SPRED3: variants seen among roughly 807,000 people sequenced by gnomAD.
SPRED3 encodes sprouty related EVH1 domain containing 3, also known as sprouty-related, EVH1 domain-containing protein 3.
In SPRED3, 23 loss-of-function variants were observed where a neutral mutation model predicts 37.6. That is an observed-to-expected ratio of 0.61 (90% confidence interval 0.44 to 0.87). The LOEUF (loss-of-function observed/expected upper bound fraction) is 0.87. Among genes scored for constraint, SPRED3 ranks in the 40% least tolerant of loss-of-function variants. The pLI is 0.00. For missense variants in SPRED3, 584 were observed against 618.6 expected (o/e 0.94, Z 0.59); for synonymous variants, 302 against 279.6 (o/e 1.08, Z -0.80).
rs1970925045 is a variant in SPRED3 at position 38,398,493 on chromosome 19, C to A, written c.*2348C>A. ...CCTCATGATCCACCTGCCTCAGCCT[C>A]CCAAAGTGCTGGGATTACAGGCATG... On this transcript the variant is annotated 3_prime_UTR_variant, in exon 6 of 6. Coordinates refer to ENST00000691638, the MANE Select transcript of SPRED3 (RefSeq NM_001394336.1). 1 of 152,276 alleles carries A rather than the reference C, an allele frequency of 6.6e-6. No individual in the cohort carries two copies. The highest frequency in any genetic ancestry group is 2.4e-5 in the African/African-American group (1 of 41,460). The allele number at this position is 152,276 out of a possible 1,614,324, so 9.4% of individuals were successfully genotyped here.
chr19:38,395,683 A>G lies in SPRED3; in HGVS notation c.771A>G (p.Ala257=). Residue 257 remains alanine, a synonymous_variant, in exon 6 of 6, where the codon GCA becomes GCG. Coordinates refer to ENST00000691638, the MANE Select transcript of SPRED3 (RefSeq NM_001394336.1). The surrounding 1 kb of genome is among the most constrained non-coding windows in gnomAD (Gnocchi z 5.2). ...GCGCTGCCCTGGGTCCCCCAGCGGC[A>G]CTACCTGCCCCTTTGACCGAGGCTG... is the stretch of plus-strand genomic sequence containing the variant. ...LRGAALGPPA[A]LPAPLTEAAP... is the part of the protein sequence containing the mutation. 6.7e-7 allele frequency: 1 copy of G among 1,492,658 alleles called. No individual in the cohort carries two copies. The highest frequency in any genetic ancestry group is 8.8e-7 in the Non-Finnish European group (1 of 1,132,896). The allele number at this position is 1,492,658 out of a possible 1,614,324, so 92.5% of individuals were successfully genotyped here. A position where few individuals can be genotyped will look rare whatever the true frequency, so the allele number is the denominator to read the frequency against.
At position 38,396,069 on chromosome 19, in the gene SPRED3, T is replaced by G; in HGVS notation, c.1157T>G (p.Leu386Arg). The G allele has an allele frequency of 7.4e-7, 1 of 1,347,290 alleles. No individual in the cohort carries two copies. The highest frequency in any genetic ancestry group is 9.5e-7 in the Non-Finnish European group (1 of 1,054,578). 83.5% of individuals were successfully genotyped at this position (1,347,290 alleles called of 1,614,324 possible). ...CCCTGCCTCTGCTGCTACGCGCCCC[T>G]GCGCGCGTGCCACTGGGTCGCAGCG... ...AVPCLCCYAP[L>R]RACHWVAARC... Residue 386 changes from leucine (L) to arginine (R), a missense_variant, in exon 6 of 6, where the codon CTG becomes CGG. Coordinates refer to ENST00000691638, the MANE Select transcript of SPRED3 (RefSeq NM_001394336.1).
Position 38,395,911 on chromosome 19 carries a change from G to C in SPRED3, c.999G>C (p.Trp333Cys). 5 of 1,511,668 alleles carry C rather than the reference G, an allele frequency of 3.3e-6. No homozygotes were observed. Among genetic ancestry groups the C allele is most frequent in the Non-Finnish European group, 3.5e-6 (4 of 1,139,256 alleles). 93.6% of individuals were successfully genotyped at this position (1,511,668 alleles called of 1,614,324 possible). A position where few individuals can be genotyped will look rare whatever the true frequency, so the allele number is the denominator to read the frequency against. Residue 333 changes from tryptophan (W) to cysteine (C), a missense_variant, in exon 6 of 6, where the codon TGG (tryptophan) becomes TGC (cysteine). By Grantham distance (215) the Trp-to-Cys change is radical (BLOSUM62 -2). This residue lies in a region of SPRED3 where 67 missense variants were observed against 57.4 expected (regional missense o/e 1.17). Coordinates refer to ENST00000691638, the MANE Select transcript of SPRED3 (RefSeq NM_001394336.1). The surrounding 1 kb of genome is among the most constrained non-coding windows in gnomAD (Gnocchi z 5.2). Reference sequence around the variant, plus strand: ...TGGTGCGCCGTCTAAGCTGCCTGTGGTGCGCCGAGAGCTTGCTCTACCACT... The same window carrying C: ...TGGTGCGCCGTCTAAGCTGCCTGTGCTGCGCCGAGAGCTTGCTCTACCACT... ...RLLVRRLSCL[W>C]CAESLLYHCL... is the part of the protein sequence containing the mutation.
At position 38,392,118 on chromosome 19, in the gene SPRED3, AG is replaced by A. The variant is rs1250916466; in HGVS notation, c.346+5del. The A allele has an allele frequency of 1.2e-6, 2 of 1,614,036 alleles. No homozygotes were observed. Among genetic ancestry groups the A allele is most frequent in the African/African-American group, 2.7e-5 (2 of 74,930 alleles). On this transcript the variant is annotated splice_donor_5th_base_variant and intron_variant, in intron 3 of 5. Coordinates refer to ENST00000691638, the MANE Select transcript of SPRED3 (RefSeq NM_001394336.1). ...GCGCTGGCCGCACTGGGTCGAGGTGAGCAGCCCAGGTGATGTGCACTGTGGG... is the reference window on the plus strand; with the variant it reads ...GCGCTGGCCGCACTGGGTCGAGGTGACAGCCCAGGTGATGTGCACTGTGGG...
At position 38,394,645 on chromosome 19, in the gene SPRED3, C is replaced by G; in HGVS notation, c.426C>G (p.Ser142=). 6.3e-7 allele frequency: 1 copy of G among 1,595,204 alleles called. No homozygotes were observed. Among genetic ancestry groups the G allele is most frequent in the Non-Finnish European group, 8.5e-7 (1 of 1,175,418 alleles). The stretch of plus-strand genomic sequence containing the variant: ...CTGAGGCCGCCAATCTCCTCCAGTC[C>G]CACGTGGACAGCGACTCCTCCTCCA... ...DTAETPCPLT[S]HVDSDSSSSH... is the part of the protein sequence containing the mutation. Residue 142 remains serine, a splice_region_variant and synonymous_variant, in exon 5 of 6, where the codon TCC becomes TCG. Coordinates refer to ENST00000691638, the MANE Select transcript of SPRED3 (RefSeq NM_001394336.1).
intron 2 of SPRED3, among the ~76,000 whole-genome samples, chr19:38,391,558 G>A (rs868518754): frequency 1.3e-5 from 2 of 152,044 alleles, no homozygotes; most frequent in Admixed American, 6.6e-5. Flanking sequence ...AAAATGTAGG[G>A]ATCAAGGGGT....
In SPRED3 at chr19:38,396,118, G is replaced by T. The variant is rs140053480; in HGVS notation, c.1206G>T (p.Gly402=). Residue 402 remains glycine, a synonymous_variant, in exon 6 of 6, where the codon GGG becomes GGT. Transcript: ENST00000691638. ...VAARCGCAGC[G]GRHEEAAR ...CGCGATGCGGCTGCGCCGGCTGCGG[G>T]GGTCGCCACGAGGAGGCTGCGCGGT... The T allele has an allele frequency of 0.03, 38,837 of 1,284,302 alleles. 632 individuals carry two copies. Among genetic ancestry groups the T allele is most frequent in the South Asian group, 0.046 (1,795 of 38,864 alleles). 79.6% of individuals were successfully genotyped at this position (1,284,302 alleles called of 1,614,324 possible). A position where few individuals can be genotyped will look rare whatever the true frequency, so the allele number is the denominator to read the frequency against.
chr19:38,394,223 G>T, intron 4 of SPRED3: 1 of 1,322,588 alleles, frequency 7.6e-7, no homozygotes. Context: ...GTGGGGCTGG[G>T]AGTGAGAGAG....
Position 38,395,566 on chromosome 19 carries a change from C to T in SPRED3, c.654C>T (p.Arg218=), listed in dbSNP as rs550803107. ...AGAGGLGWGG[R]GYEDYRRSGP... ...CAGGGGGCCTGGGGTGGGGCGGCCG[C>T]GGCTACGAGGATTACCGGCGCTCCG... The change falls in exon 6 of 6, where the codon CGC becomes CGT. Residue 218 remains arginine (R), a synonymous_variant. Transcript: ENST00000691638. The surrounding 1 kb of genome is among the most constrained non-coding windows in gnomAD (Gnocchi z 5.2). 3.2e-6 allele frequency: 5 copies of T among 1,553,492 alleles called. No individual in the cohort carries two copies. The highest frequency in any genetic ancestry group is 2.8e-5 in the African/African-American group (2 of 71,492).
In SPRED3 at chr19:38,394,690, T is replaced by C. The variant is rs1383857532; in HGVS notation, c.471T>C (p.Thr157=). 1 of 1,598,090 alleles carries C rather than the reference T, an allele frequency of 6.3e-7. No homozygotes were observed. The highest frequency in any genetic ancestry group is 8.5e-7 in the Non-Finnish European group (1 of 1,175,226). Residue 157 remains threonine (T), a synonymous_variant, in exon 5 of 6, where the codon ACT becomes ACC. Transcript: ENST00000691638. ...CCTCCAGTCACAGCCGCCAGGAGAC[T>C]CCTCCCAGCGCCGCTGCGGCCCCCA... The part of the protein sequence containing the change: ...DSSSSHSRQE[T]PPSAAAAPII...
chr19:38,394,916 C>T (rs1970876898), intron 5 of SPRED3, 130 bp downstream of exon 5: 1 of 1,282,966 alleles, frequency 7.8e-7, no homozygotes, highest in Non-Finnish European at 1.0e-6. Context: ...ATAACTGGGC[C>T]GGACTGGGAG....
At position 38,392,008 on chromosome 19, in the gene SPRED3, C is replaced by T. The variant is rs2145153938; in HGVS notation, c.240C>T (p.His80=). 2 of 1,614,176 alleles carry T rather than the reference C, an allele frequency of 1.2e-6. No individual in the cohort carries two copies. Among genetic ancestry groups the T allele is most frequent in the Non-Finnish European group, 1.7e-6 (2 of 1,180,028 alleles). ...LVYNKVNPIF[H]HWSLGDCKFG... ...ACAACAAGGTGAATCCCATCTTTCACCACTGGAGCCTGGGTGACTGCAAGT... is the reference window on the plus strand; with the variant it reads ...ACAACAAGGTGAATCCCATCTTTCATCACTGGAGCCTGGGTGACTGCAAGT... Residue 80 remains histidine (H), a synonymous_variant, in exon 3 of 6, where the codon CAC becomes CAT. Transcript: ENST00000691638.
intron 5 of SPRED3, 28 bp downstream of exon 5, chr19:38,394,814 G>A (rs1489800667): frequency 6.6e-7 from 1 of 1,524,834 alleles, no homozygotes; most frequent in Non-Finnish European, 8.8e-7. Context: ...GGGGCTCCTG[G>A]GGGAATGGGG....
In SPRED3 at chr19:38,394,528, T is replaced by A. The variant is rs1970869277; in HGVS notation, c.424-115T>A. On this transcript the variant is annotated intron_variant, in intron 4 of 5. Transcript: ENST00000691638. Reference sequence around the variant, plus strand: ...AACCAGTCAGTGACAGAGCCGGGGTTTGAACCCAGGCCTTCCTGGCCGCAG... The same window carrying A: ...AACCAGTCAGTGACAGAGCCGGGGTATGAACCCAGGCCTTCCTGGCCGCAG... 10 of 1,568,172 alleles carry A rather than the reference T, an allele frequency of 6.4e-6. No homozygotes were observed. In the East Asian group the frequency reaches 2.2e-4, roughly 35 times the overall value.
At chr19:38,393,342 A>ATT (rs1970855279) in intron 4 of SPRED3, among the ~76,000 whole-genome samples, 1 of 133,358 alleles carries the variant, frequency 7.5e-6, no homozygotes, top group African/African-American at 2.8e-5. Flanking sequence ...AAATACTATT[A>ATT]TCTTTTTTTT....
intron 1 of SPRED3, 55 bp from the exon 2 acceptor site, chr19:38,390,244 G>A: frequency 7.6e-7 from 1 of 1,316,788 alleles, no homozygotes; most frequent in Non-Finnish European, 9.8e-7. Context: ...CCATGGGAGA[G>A]CAGGGTTTGA....
At chr19:38,393,581 C>G (rs945178316) in intron 4 of SPRED3, among the ~76,000 whole-genome samples, 1 of 151,958 alleles carries the variant, frequency 6.6e-6, no homozygotes, top group Non-Finnish European at 1.5e-5. Context: ...TGTGATCTGC[C>G]CGCTTTGGCC....
At position 38,395,989 on chromosome 19, in the gene SPRED3, C is replaced by A; in HGVS notation, c.1077C>A (p.Gly359=). 1.4e-6 allele frequency: 2 copies of A among 1,434,604 alleles called. No individual in the cohort carries two copies. Among genetic ancestry groups the A allele is most frequent in the Non-Finnish European group, 9.1e-7 (1 of 1,099,346 alleles). 88.9% of individuals were successfully genotyped at this position (1,434,604 alleles called of 1,614,324 possible). ...DFSDPCACEP[G]HPRPAARWAA... is the part of the protein sequence containing the mutation. ...CGGACCCGTGCGCCTGCGAGCCGGGCCACCCGCGCCCCGCCGCGCGCTGGG... is the reference window on the plus strand; with the variant it reads ...CGGACCCGTGCGCCTGCGAGCCGGGACACCCGCGCCCCGCCGCGCGCTGGG... Residue 359 remains glycine (G), a synonymous_variant, in exon 6 of 6, where the codon GGC becomes GGA. Coordinates refer to ENST00000691638, the MANE Select transcript of SPRED3 (RefSeq NM_001394336.1). The surrounding 1 kb of genome is among the most constrained non-coding windows in gnomAD (Gnocchi z 5.2).
In SPRED3 at chr19:38,395,245, T is replaced by G. The variant is rs2145159702; in HGVS notation, c.568-235T>G. 6.6e-6 allele frequency among the ~76,000 whole-genome samples: 1 copy of G among 152,100 alleles called. No individual in the cohort carries two copies. The highest frequency in any genetic ancestry group is 2.4e-5 in the African/African-American group (1 of 41,490). On this transcript the variant is annotated intron_variant, in intron 5 of 5. Transcript: ENST00000691638. This position sits in a 1 kb window ranked among gnomAD's most constrained non-coding sequence, Gnocchi z 5.2. ...GGGGCTGGGAGCTGGGGCTCTTGGATCTTAAGAGAGGACAGGACTAGGAAC... is the reference window on the plus strand; with the variant it reads ...GGGGCTGGGAGCTGGGGCTCTTGGAGCTTAAGAGAGGACAGGACTAGGAAC...
Sources: gnomAD v4.1 joint callset for allele counts (sites outside exome capture counted in the v4.1 genomes callset) on GRCh38, gnomAD v4.1.1 for gene constraint, gnomAD v4.1.1 regional missense constraint, Gnocchi (gnomAD v3.1) non-coding constraint, MANE v1.5 for transcripts, NCBI Gene and HGNC (gene_info 2026-07-23, HGNC 2026-07-21) for gene names.